Variants in GTF2A1L observed in about 807,000 individuals in gnomAD.
GTF2A1L encodes the protein general transcription factor IIA subunit 1 like.
A neutral mutation model predicts 49.7 loss-of-function variants in GTF2A1L; 48 were observed. The observed-to-expected ratio is 0.97, with a 90% CI of 0.77 to 1.23. The LOEUF (loss-of-function observed/expected upper bound fraction) is 1.23. GTF2A1L is among the 50% of genes most tolerant of loss of function. The probability of loss-of-function intolerance (pLI) is 0.00; values close to 1 mark genes in which losing one functional copy is unlikely to be tolerated. For missense variants in GTF2A1L, 736 were observed against 564.8 expected, an observed-to-expected ratio of 1.30 and a Z score of -3.07; for synonymous variants, 246 against 193.5, an observed-to-expected ratio of 1.27 and a Z score of -2.25.
chr2:48,669,835 A>C lies in GTF2A1L; in HGVS notation c.1092A>C (p.Thr364=). 1 of 1,614,068 alleles carries C rather than the reference A, an allele frequency of 6.2e-7. No homozygotes were observed. Among genetic ancestry groups the C allele is most frequent in the Non-Finnish European group, 8.5e-7 (1 of 1,179,988 alleles). ...CTTCCAATGAAGAAATAGGAAGTAC[A>C]AGAGATGCAGATGAGAATGAATTTC... ...DTSSNEEIGS[T]RDADENEFLG... Residue 364 remains threonine (T), a synonymous_variant, in exon 7 of 9, where the codon ACA becomes ACC. Transcript: ENST00000403751.
intron 6 of GTF2A1L, among the ~76,000 whole-genome samples, chr2:48,665,452 A>C (rs1235272698): frequency 6.6e-6 from 1 of 151,936 alleles, no homozygotes; most frequent in African/African-American, 2.4e-5. Context: ...TGATATAATA[A>C]TTTAATGCTG....
rs1317378684 is a variant in GTF2A1L at position 48,669,943 on chromosome 2, T to C, written c.1200T>C (p.Ser400=). The C allele has an allele frequency of 6.2e-7, 1 of 1,613,972 alleles. No individual in the cohort carries two copies. Among genetic ancestry groups the C allele is most frequent in the Admixed American group, 1.7e-5 (1 of 60,010 alleles). The change falls in exon 7 of 9, where the codon AGT becomes AGC. Residue 400 remains serine, a synonymous_variant. Transcript: ENST00000403751. ...SISNEDSATN[S]SDNEDPQVNI... ...CAAATGAGGATTCAGCCACAAACAG[T>C]AGTGATAATGAAGACCCTCAAGTAA...
intron 3 of GTF2A1L, among the ~76,000 whole-genome samples, chr2:48,637,445 T>A (rs936748145): frequency 2.6e-5 from 4 of 152,186 alleles, no homozygotes; most frequent in African/African-American, 9.7e-5. Context: ...AGATACAATA[T>A]ACCAGAATCT....
In GTF2A1L at chr2:48,617,889, C is replaced by T; in HGVS notation, c.15C>T (p.Asn5=). ...GAGGTGCTGTCATGGCCTGCCTCAA[C>T]CCGGTGGTAAGGAAGACCTCAGGCT... The part of the protein sequence containing the change: MACL[N]PVPKLYRSVI... The change falls in exon 1 of 9, where the codon AAC becomes AAT. Residue 5 remains asparagine (N), a synonymous_variant. Transcript: ENST00000403751. 3 of 1,551,860 alleles carry T rather than the reference C, an allele frequency of 1.9e-6. No homozygotes were observed. Among genetic ancestry groups the T allele is most frequent in the East Asian group, 2.4e-5 (1 of 40,920 alleles).
In GTF2A1L at chr2:48,635,654, T is replaced by G. The variant is rs1226098748; in HGVS notation, c.248-6748T>G. Among the ~76,000 whole-genome samples the G allele has an allele frequency of 2.6e-5, 4 of 152,034 alleles. No individual in the cohort carries two copies. The East Asian group carries it at 7.7e-4, about 29-fold the overall frequency. The stretch of plus-strand genomic sequence containing the variant: ...TCCAATACCTACTTCTGAGGTGCTT[T>G]CCACCTCAGAAGTGGTGGAGGCTGT... On this transcript the variant is annotated intron_variant, in intron 3 of 8. Transcript: ENST00000403751.
chr2:48,634,779 G>A (rs925313673), intron 3 of GTF2A1L, among the ~76,000 whole-genome samples: 1 of 152,146 alleles, frequency 6.6e-6, no homozygotes, highest in African/African-American at 2.4e-5. Flanking sequence ...TAGCCTAAAG[G>A]GTTTCCTTTT....
chr2:48,648,405 G>A (rs1434031597), intron 6 of GTF2A1L, among the ~76,000 whole-genome samples: 1 of 152,008 alleles, frequency 6.6e-6, no homozygotes, highest in African/African-American at 2.4e-5. Context: ...CAGATGTTTG[G>A]TGTGATGAGT....
At position 48,651,422 on chromosome 2, in the gene GTF2A1L, T is replaced by C. The variant is rs569852337; in HGVS notation, c.978+4380T>C. Among the ~76,000 whole-genome samples, 59 of 149,830 alleles carry C rather than the reference T, an allele frequency of 3.9e-4. No individual in the cohort carries two copies. In the East Asian group the frequency reaches 0.011, roughly 27 times the overall value. On this transcript the variant is annotated intron_variant, in intron 6 of 8. Transcript: ENST00000403751. ...GTACATTGATACCATCAAAGAATTTTTATGTTGTGAGTTCTTTTTTTTTTT... is the reference window on the plus strand; with the variant it reads ...GTACATTGATACCATCAAAGAATTTCTATGTTGTGAGTTCTTTTTTTTTTT...
At chr2:48,673,475 G>A (rs1359972135) in intron 8 of GTF2A1L, among the ~76,000 whole-genome samples, 2 of 147,384 alleles carry the variant, frequency 1.4e-5, no homozygotes, top group Non-Finnish European at 3.0e-5. Context: ...GGATCTTCCT[G>A]CCTCAGCCTC....
intron 8 of GTF2A1L, among the ~76,000 whole-genome samples, chr2:48,672,992 C>T (rs147802587): frequency 6.6e-6 from 1 of 152,170 alleles, no homozygotes; most frequent in African/African-American, 2.4e-5. Context: ...GATCTACTCT[C>T]TATTTCTATG....
Position 48,646,478 on chromosome 2 carries a change from A to C in GTF2A1L, c.414A>C (p.Pro138=). ...GTCACCTTTATAAAGTCAATGTACC[A>C]ATTATGGTGACAGAGACTTCTGGAA... ...VSGHLYKVNV[P]IMVTETSGRA... Residue 138 remains proline (P), a synonymous_variant, in exon 6 of 9, where the codon CCA becomes CCC. Coordinates refer to ENST00000403751, the MANE Select transcript of GTF2A1L (RefSeq NM_006872.5). 6.2e-7 allele frequency: 1 copy of C among 1,611,888 alleles called. No homozygotes were observed. Among genetic ancestry groups the C allele is most frequent in the Non-Finnish European group, 8.5e-7 (1 of 1,179,370 alleles).
intron 1 of GTF2A1L, among the ~76,000 whole-genome samples, chr2:48,618,567 C>T (rs6545053): frequency 0.15 from 22,769 of 152,148 alleles, 2,156 homozygotes; most frequent in African/African-American, 0.27. Flanking sequence ...GGCAATGTGC[C>T]TGTCCAGATC....
chr2:48,658,751 C>T (rs1048953575), intron 6 of GTF2A1L, among the ~76,000 whole-genome samples: 24 of 152,054 alleles, frequency 1.6e-4, no homozygotes, highest in Non-Finnish European at 5.9e-5. Flanking sequence ...TATTCATTTC[C>T]TCTAGATTTT....
intron 8 of GTF2A1L, among the ~76,000 whole-genome samples, chr2:48,674,635 C>T (rs887982421): frequency 1.3e-5 from 2 of 151,988 alleles, no homozygotes; most frequent in African/African-American, 4.8e-5. Context: ...TATAAAAAAA[C>T]ATTATAAGGT....
In GTF2A1L at chr2:48,646,690, A is replaced by C; in HGVS notation, c.626A>C (p.His209Pro). Residue 209 changes from histidine (H) to proline (P), a missense_variant, in exon 6 of 9, where the codon CAC (histidine) becomes CCC (proline). By Grantham distance (77) the His-to-Pro change is moderately conservative. Coordinates refer to ENST00000403751, the MANE Select transcript of GTF2A1L (RefSeq NM_006872.5). ...ILPSGPVDRK[H>P]LENATSDILV... ...CCTTCTGGGCCAGTAGATAGGAAAC[A>C]CTTAGAAAATGCCACCAGTGATATA... 6.2e-7 allele frequency: 1 copy of C among 1,614,176 alleles called. No individual in the cohort carries two copies. Among genetic ancestry groups the C allele is most frequent in the Non-Finnish European group, 8.5e-7 (1 of 1,180,030 alleles).
chr2:48,662,927 G>C (rs1050811435), intron 6 of GTF2A1L, among the ~76,000 whole-genome samples: 1 of 152,020 alleles, frequency 6.6e-6, no homozygotes, highest in Non-Finnish European at 1.5e-5. Flanking sequence ...AGTGTAGGAG[G>C]AGGGAGACGA....
chr2:48,655,538 GCAT>G (rs949057677), intron 6 of GTF2A1L, among the ~76,000 whole-genome samples: 1 of 151,876 alleles, frequency 6.6e-6, no homozygotes, highest in Non-Finnish European at 1.5e-5. Context: ...AATTTCTAAG[GCAT>G]TTGAAGTACA....
intron 6 of GTF2A1L, among the ~76,000 whole-genome samples, chr2:48,647,810 GAA>G (rs1677609514): frequency 6.6e-6 from 1 of 152,016 alleles, no homozygotes; most frequent in Admixed American, 6.6e-5. Flanking sequence ...AGTAATGGCA[GAA>G]AGACTCATGG....
chr2:48,677,595 G>C (rs757851235), intron 8 of GTF2A1L, among the ~76,000 whole-genome samples: 3 of 151,916 alleles, frequency 2.0e-5, no homozygotes, highest in Non-Finnish European at 4.4e-5. Flanking sequence ...CAAGAGAAAT[G>C]ACATCTGATT....
Sources: gnomAD v4.1 joint callset for allele counts (sites outside exome capture counted in the v4.1 genomes callset) on GRCh38, gnomAD v4.1.1 for gene constraint, MANE v1.5 for transcripts, NCBI Gene and HGNC (gene_info 2026-07-23, HGNC 2026-07-21) for gene names.